Variants in TRDN observed in about 807,000 individuals in gnomAD.
The protein encoded by TRDN is triadin.
Under a neutral mutation model 149.7 loss-of-function variants are expected in TRDN, and 161 were observed. The observed-to-expected ratio is 1.08, with a 90% CI of 0.95 to 1.23. The LOEUF is 1.23. TRDN is among the 50% of genes most tolerant of loss of function. The probability of loss-of-function intolerance (pLI) is 0.00; values close to 1 mark genes in which losing one functional copy is unlikely to be tolerated. For missense variants in TRDN, 896 were observed against 823.5 expected, an observed-to-expected ratio of 1.09 and a Z score of -1.08; for synonymous variants, 294 against 250.5, an observed-to-expected ratio of 1.17 and a Z score of -1.64.
At chr6:123,327,296 T>C (rs1238060770) in intron 23 of TRDN, among the ~76,000 whole-genome samples, 1 of 152,096 alleles carries the variant, frequency 6.6e-6, no homozygotes, top group South Asian at 2.1e-4. Context: ...AATAACTATA[T>C]TTGGTCAGGC....
At chr6:123,501,755 A>G (rs368095921) in intron 8 of TRDN, 1 of 727,858 alleles carries the variant, frequency 1.4e-6, no homozygotes, top group Non-Finnish European at 1.7e-6. Context: ...TAAACTCTAA[A>G]TGATATTTGA....
chr6:123,431,694 T>C (rs1028805455), intron 12 of TRDN, among the ~76,000 whole-genome samples: 2 of 152,194 alleles, frequency 1.3e-5, no homozygotes, highest in African/African-American at 4.8e-5. Context: ...TACTATATGT[T>C]ATTTTGTCCA....
At chr6:123,510,917 T>TA (rs1170326250) in intron 7 of TRDN, among the ~76,000 whole-genome samples, 1 of 152,214 alleles carries the variant, frequency 6.6e-6, no homozygotes, top group Non-Finnish European at 1.5e-5. Flanking sequence ...GTGCTGGTAT[T>TA]ACAGAGGTGA....
chr6:123,441,252 T>G (rs532090257), intron 10 of TRDN: 75 of 152,288 alleles, frequency 4.9e-4, no homozygotes, highest in African/African-American at 1.8e-3. Context: ...GAAAACTTCC[T>G]TGCCCCTGAC....
intron 2 of TRDN, among the ~76,000 whole-genome samples, chr6:123,561,361 G>C (rs1781984745): frequency 6.6e-6 from 1 of 152,186 alleles, no homozygotes; most frequent in Non-Finnish European, 1.5e-5. Flanking sequence ...AACTTAAAAA[G>C]GACTGGACAA....
In TRDN at chr6:123,251,245, T is replaced by C. The variant is rs189550916; in HGVS notation, c.1975+1167A>G. On this transcript the variant is annotated intron_variant, in intron 38 of 40. Coordinates refer to ENST00000334268, the MANE Select transcript of TRDN (RefSeq NM_006073.4). Reference sequence around the variant, plus strand: ...CTTTGAATGACATGTGGTATCATATTTTAATGGTTCCTTTTTATTGTCTTC... The same window carrying C: ...CTTTGAATGACATGTGGTATCATATCTTAATGGTTCCTTTTTATTGTCTTC... Among the ~76,000 whole-genome samples the C allele has an allele frequency of 6.6e-5, 10 of 152,278 alleles. No homozygotes were observed. In the East Asian group the frequency reaches 1.9e-3, roughly 29 times the overall value.
intron 38 of TRDN, among the ~76,000 whole-genome samples, chr6:123,246,764 T>C (rs1400307332): frequency 6.7e-6 from 1 of 149,244 alleles, no homozygotes; most frequent in Admixed American, 6.8e-5. Context: ...ATCATCCTGA[T>C]ACCAAAATCT....
In TRDN at chr6:123,533,272, T is replaced by C. The variant is rs75803653; in HGVS notation, c.425-2707A>G. Among the ~76,000 whole-genome samples, 533 of 152,250 alleles carry C rather than the reference T, an allele frequency of 3.5e-3. 25 individuals are homozygous for C. The East Asian group carries it at 0.092, about 26-fold the overall frequency. ...AGAGGTAGGGGTGTGTGCATATGTG[T>C]GTATATATACATGTATGTCTTCCAC... On this transcript the variant is annotated intron_variant, in intron 4 of 40. Transcript: ENST00000334268.
chr6:123,330,669 G>GA (rs1317788004), intron 23 of TRDN, among the ~76,000 whole-genome samples: 1 of 151,464 alleles, frequency 6.6e-6, no homozygotes, highest in Non-Finnish European at 1.5e-5. Context: ...ATGGGGCTGA[G>GA]AAAAAAAATC....
At chr6:123,221,048 C>A (rs1004469746) in intron 40 of TRDN, among the ~76,000 whole-genome samples, 5 of 151,684 alleles carry the variant, frequency 3.3e-5, no homozygotes, top group Non-Finnish European at 7.4e-5. Flanking sequence ...ATACATCTAG[C>A]AAAATCAAAA....
At chr6:123,608,688 G>T (rs1222873424) in intron 1 of TRDN, among the ~76,000 whole-genome samples, 1 of 152,060 alleles carries the variant, frequency 6.6e-6, no homozygotes, top group Non-Finnish European at 1.5e-5. Context: ...TATTGGAAAA[G>T]GTATGAAGAA....
At position 123,427,280 on chromosome 6, in the gene TRDN, GT is replaced by G. The variant is rs796782083; in HGVS notation, c.1051+10782del. 6.7e-4 allele frequency among the ~76,000 whole-genome samples: 94 copies of G among 139,382 alleles called. 1 individual carries two copies. Among genetic ancestry groups the G allele is most frequent in the South Asian group, 2.7e-3 (12 of 4,416 alleles). The allele number at this position is 139,382 out of a possible 152,430, so 91.4% of individuals were successfully genotyped here. A position where few individuals can be genotyped will look rare whatever the true frequency, so the allele number is the denominator to read the frequency against. On this transcript the variant is annotated intron_variant, in intron 12 of 40. Transcript: ENST00000334268. ...GAATAAACTCTTGACCACGCCTTTT[GT>G]TTTTTTTTTTTAATAACTAACCTTC...
chr6:123,269,969 C>T (rs1777151775), intron 30 of TRDN, 103 bp from the exon 31 acceptor site: 1 of 1,101,140 alleles, frequency 9.1e-7, no homozygotes, highest in Non-Finnish European at 1.3e-6. Flanking sequence ...TTTAGGTCAC[C>T]TCCTTAGCTT....
intron 1 of TRDN, among the ~76,000 whole-genome samples, chr6:123,582,679 T>G (rs1783190948): frequency 6.6e-6 from 1 of 152,172 alleles, no homozygotes; most frequent in Non-Finnish European, 1.5e-5. Flanking sequence ...GCGATCTGGA[T>G]GTGTACGTGC....
chr6:123,259,167 T>C (rs1019889796), intron 35 of TRDN, among the ~76,000 whole-genome samples: 9 of 152,162 alleles, frequency 5.9e-5, no homozygotes, highest in Non-Finnish European at 1.0e-4. Context: ...TAGTTATTTC[T>C]TGTCTTCTGC....
At chr6:123,307,058 T>C (rs1163350317) in intron 24 of TRDN, among the ~76,000 whole-genome samples, 1 of 152,076 alleles carries the variant, frequency 6.6e-6, no homozygotes, top group Non-Finnish European at 1.5e-5. Flanking sequence ...TTTTTCTTTT[T>C]CTGAGAAATA....
At chr6:123,330,136 C>G (rs899222907) in intron 23 of TRDN, among the ~76,000 whole-genome samples, 1 of 151,962 alleles carries the variant, frequency 6.6e-6, no homozygotes, top group Non-Finnish European at 1.5e-5. Context: ...TAAACAAAAA[C>G]TAAACTTTTA....
At position 123,450,999 on chromosome 6, in the gene TRDN, G is replaced by A. The variant is rs1775735035; in HGVS notation, c.932-11996C>T. ...AATTAAATAACCTGCTCCCAAATGA[G>A]CACTGGCTCAAAAACAAAATCAAGA... On this transcript the variant is annotated intron_variant, in intron 10 of 40. Transcript: ENST00000334268. Among the ~76,000 whole-genome samples the A allele has an allele frequency of 2.0e-5, 3 of 151,986 alleles. No homozygotes were observed. In the South Asian group the frequency reaches 6.2e-4, roughly 32 times the overall value.
intron 23 of TRDN, among the ~76,000 whole-genome samples, chr6:123,318,891 C>G (rs1391508280): frequency 6.6e-6 from 1 of 152,034 alleles, no homozygotes; most frequent in East Asian, 1.9e-4. Context: ...TATTATCTAA[C>G]GTGTGGCTGT....
Sources: gnomAD v4.1 joint callset for allele counts (sites outside exome capture counted in the v4.1 genomes callset) on GRCh38, gnomAD v4.1.1 for gene constraint, MANE v1.5 for transcripts, NCBI Gene and HGNC (gene_info 2026-07-23, HGNC 2026-07-21) for gene names.